PRKACB: variants seen among roughly 807,000 people sequenced by gnomAD.
PRKACB encodes protein kinase cAMP-activated catalytic subunit beta.
A neutral mutation model predicts 51.4 loss-of-function variants in PRKACB; 16 were observed. The ratio of observed to expected loss-of-function variants is 0.31; its 90% CI spans 0.21 to 0.47. The LOEUF is 0.47. Among genes scored for constraint, PRKACB ranks in the 20% least tolerant of loss-of-function variants. The probability of loss-of-function intolerance (pLI) is 1.00; values close to 1 mark genes in which losing one functional copy is unlikely to be tolerated. For synonymous variants in PRKACB, 147 were observed against 154.4 expected, an observed-to-expected ratio of 0.95 and a Z score of 0.35; for missense variants, 309 against 464.5, an observed-to-expected ratio of 0.67 and a Z score of 3.08.
chr1:84,158,181 G>A lies in PRKACB; in HGVS notation c.187+13633G>A, dbSNP rs144025358. 4.6e-5 allele frequency among the ~76,000 whole-genome samples: 7 copies of A among 152,032 alleles called. No individual in the cohort carries two copies. The East Asian group carries it at 1.4e-3, about 30-fold the overall frequency. Reference sequence around the variant, plus strand: ...CAGTCTTGAGTAGCTGGCATTACAGGCATGCGCCATCACTCCCGGCTAATC... The same window carrying A: ...CAGTCTTGAGTAGCTGGCATTACAGACATGCGCCATCACTCCCGGCTAATC... On this transcript the variant is annotated intron_variant, in intron 1 of 9. Coordinates refer to ENST00000370685, the MANE Select transcript of PRKACB (RefSeq NM_182948.4).
intron 1 of PRKACB, among the ~76,000 whole-genome samples, chr1:84,132,927 G>A (rs2684910): frequency 0.11 from 16,116 of 143,626 alleles, 965 homozygotes; most frequent in Middle Eastern, 0.12. Flanking sequence ...TGGAATACCA[G>A]AAGAAGAAGG....
chr1:84,152,347 C>T (rs1654949220), intron 1 of PRKACB, among the ~76,000 whole-genome samples: 1 of 152,142 alleles, frequency 6.6e-6, no homozygotes, highest in Admixed American at 6.6e-5. Flanking sequence ...TGAATATTGG[C>T]TTCAATTTGA....
intron 5 of PRKACB, 94 bp from the exon 6 acceptor site, chr1:84,196,522 T>G (rs1441909197): frequency 8.0e-7 from 1 of 1,247,098 alleles, no homozygotes; most frequent in Non-Finnish European, 1.1e-6. Flanking sequence ...GTTCCCAAAG[T>G]ACCTCTACTT....
chr1:84,117,429 C>G (rs554195610), intron 1 of PRKACB, among the ~76,000 whole-genome samples: 1 of 152,182 alleles, frequency 6.6e-6, no homozygotes, highest in Middle Eastern at 3.4e-3. Flanking sequence ...TCCATCCAGC[C>G]TTTGTCTTTT....
At chr1:84,127,891 T>A (rs547734201) in intron 1 of PRKACB, among the ~76,000 whole-genome samples, 21 of 152,068 alleles carry the variant, frequency 1.4e-4, no homozygotes, top group Non-Finnish European at 2.9e-4. Context: ...GAATTTTTTG[T>A]TTAAAGTAAG....
rs572098001 is a variant in PRKACB, at chr1:84,136,758, T to A, written c.47-42419T>A. Among the ~76,000 whole-genome samples the A allele has an allele frequency of 6.6e-5, 10 of 152,306 alleles. No homozygotes were observed. The South Asian group carries it at 2.1e-3, about 32-fold the overall frequency. ...TGCACATTATAGCTTCCTTCATAAT[T>A]GCCAAAAACTGGGAGCAACCAAAAT... On this transcript the variant is annotated intron_variant, in intron 1 of 8. Coordinates refer to the PRKACB transcript ENST00000370688.
chr1:84,238,223 G>A lies in PRKACB; in HGVS notation c.*2918G>A, dbSNP rs555753348. ...ATATTCTTGTGTTAACTGCCCATTG[G>A]CCTGAAAATACTCATTGTAAGCCTG... On this transcript the variant is annotated 3_prime_UTR_variant, in exon 10 of 10. Coordinates refer to ENST00000370685, the MANE Select transcript of PRKACB (RefSeq NM_182948.4). The A allele has an allele frequency of 6.6e-6, 1 of 152,330 alleles. No homozygotes were observed. The highest frequency in any genetic ancestry group is 1.5e-5 in the Non-Finnish European group (1 of 67,924). The allele number at this position is 152,330 out of a possible 1,614,324, so 9.4% of individuals were successfully genotyped here.
At chr1:84,096,688 G>T (rs1557922281) in intron 1 of PRKACB, among the ~76,000 whole-genome samples, 1 of 151,812 alleles carries the variant, frequency 6.6e-6, no homozygotes, top group East Asian at 1.9e-4. Context: ...TTTAACAAGA[G>T]TTTTTTTTAT....
At chr1:84,204,682 A>G in intron 8 of PRKACB, 1 of 1,031,580 alleles carries the variant, frequency 9.7e-7, no homozygotes, top group Middle Eastern at 3.6e-4. Flanking sequence ...TAAATGTTAT[A>G]ATAATTGTTT....
chr1:84,193,736 G>T (rs568754281), intron 5 of PRKACB, among the ~76,000 whole-genome samples: 5 of 152,274 alleles, frequency 3.3e-5, no homozygotes, highest in Admixed American at 1.3e-4. Flanking sequence ...CTTGGAGCAG[G>T]TGCTGGGTGC....
intron 1 of PRKACB, among the ~76,000 whole-genome samples, chr1:84,122,943 G>A (rs1053158111): frequency 1.3e-5 from 2 of 152,078 alleles, no homozygotes; most frequent in African/African-American, 2.4e-5. Context: ...GACAATAAAA[G>A]ATTTTTCTGG....
intron 1 of PRKACB, among the ~76,000 whole-genome samples, chr1:84,100,592 G>A (rs1049847164): frequency 6.6e-6 from 1 of 152,038 alleles, no homozygotes; most frequent in Non-Finnish European, 1.5e-5. Context: ...CTGATTCTAG[G>A]CCCTCTGCTC....
intron 8 of PRKACB, among the ~76,000 whole-genome samples, chr1:84,211,127 T>TCACA (rs3051185): frequency 7.6e-4 from 113 of 148,940 alleles, no homozygotes; most frequent in African/African-American, 1.6e-3. Context: ...CACTCCACTG[T>TCACA]CACACACACA....
exon 1 of PRKACB, chr1:84,078,213 G>C (rs573120992): frequency 8.2e-7 from 1 of 1,221,232 alleles, no homozygotes; most frequent in African/African-American, 1.6e-5. Context: ...AGCGCTAGGC[G>C]CACTCACCGC....
At chr1:84,098,635 G>C (rs530703781) in intron 1 of PRKACB, among the ~76,000 whole-genome samples, 7 of 152,180 alleles carry the variant, frequency 4.6e-5, no homozygotes, top group African/African-American at 1.4e-4. Flanking sequence ...CCAGATAACA[G>C]TAAATATACT....
At chr1:84,221,367 A>C (rs1244726411) in intron 9 of PRKACB, among the ~76,000 whole-genome samples, 1 of 150,262 alleles carries the variant, frequency 6.7e-6, no homozygotes, top group Non-Finnish European at 1.5e-5. Flanking sequence ...GCAGTTTATC[A>C]ATTTTGGTTA....
intron 1 of PRKACB, among the ~76,000 whole-genome samples, chr1:84,137,381 G>T (rs1338702312): frequency 6.6e-6 from 1 of 152,138 alleles, no homozygotes; most frequent in Non-Finnish European, 1.5e-5. Context: ...ATCATTAGGT[G>T]CCAAGGTTCA....
chr1:84,196,094 C>A (rs1668163144), intron 5 of PRKACB, among the ~76,000 whole-genome samples: 1 of 152,052 alleles, frequency 6.6e-6, no homozygotes, highest in African/African-American at 2.4e-5. Flanking sequence ...TGATATTTTT[C>A]CATAACGAGC....
At chr1:84,197,663 AG>A (rs1178518907) in intron 6 of PRKACB, 65 bp from the exon 7 acceptor site, 1 of 1,018,176 alleles carries the variant, frequency 9.8e-7, no homozygotes, top group African/African-American at 1.7e-5. Flanking sequence ...CTTTCAACGT[AG>A]GTGCAATAAA....
Sources: gnomAD v4.1 joint callset for allele counts (sites outside exome capture counted in the v4.1 genomes callset) on GRCh38, gnomAD v4.1.1 for gene constraint, MANE v1.5 for transcripts, NCBI Gene and HGNC (gene_info 2026-07-23, HGNC 2026-07-21) for gene names.